The following PTPN5 variants were observed in gnomAD, a reference collection of about 807,000 sequenced individuals.
PTPN5 encodes protein tyrosine phosphatase non-receptor type 5, also known as tyrosine-protein phosphatase non-receptor type 5.
PTPN5 carries 29 observed loss-of-function variants against 73.9 expected under a neutral mutation model. The observed-to-expected ratio is 0.39, with a 90% CI of 0.29 to 0.54. PTPN5 has a LOEUF of 0.54. PTPN5 is among the 20% of genes least tolerant of loss of function. PTPN5 has a pLI of 0.65. For synonymous variants in PTPN5, 267 were observed against 304.7 expected, an observed-to-expected ratio of 0.88 and a Z score of 1.29; for missense variants, 652 against 751.4, an observed-to-expected ratio of 0.87 and a Z score of 1.55.
intron 1 of PTPN5, among the ~76,000 whole-genome samples, chr11:18,777,398 T>C (rs892987464): frequency 6.6e-6 from 1 of 152,182 alleles, no homozygotes; most frequent in African/African-American, 2.4e-5. Context: ...TTACATGAGA[T>C]GCATGGAAAA....
chr11:18,776,219 G>C (rs1315955448), intron 1 of PTPN5, among the ~76,000 whole-genome samples: 3 of 152,120 alleles, frequency 2.0e-5, no homozygotes, highest in Non-Finnish European at 4.4e-5. Flanking sequence ...GCGTCTTCTG[G>C]TATTTCCGTT....
At chr11:18,786,481 C>T (rs1041613061) in intron 1 of PTPN5, among the ~76,000 whole-genome samples, 5 of 152,208 alleles carry the variant, frequency 3.3e-5, no homozygotes, top group Admixed American at 2.6e-4. Context: ...GGATTACAGG[C>T]GTGAGCCACC....
At chr11:18,790,585 A>C (rs1203035595) in intron 1 of PTPN5, among the ~76,000 whole-genome samples, 2 of 152,066 alleles carry the variant, frequency 1.3e-5, no homozygotes, top group African/African-American at 4.8e-5. Context: ...AGCAAATTAA[A>C]GCCCCCTCTC....
Position 18,729,616 on chromosome 11 carries a change from T to TG in PTPN5, c.1490+41dup. ...GTGAGGGGCAGGGCAGCCCAGCGGG[T>TG]GGGGGGCTGCCCCGCTCCAGTGGCT... On this transcript the variant is annotated intron_variant, in intron 13 of 14. Coordinates refer to ENST00000358540, the MANE Select transcript of PTPN5 (RefSeq NM_006906.2). The surrounding 1 kb of genome is among the most constrained non-coding windows in gnomAD (Gnocchi z 5.2). 6.4e-7 allele frequency: 1 copy of TG among 1,556,696 alleles called. No individual in the cohort carries two copies. Among genetic ancestry groups the TG allele is most frequent in the Non-Finnish European group, 8.7e-7 (1 of 1,149,438 alleles).
intron 5 of PTPN5, 108 bp from the exon 6 acceptor site, chr11:18,743,183 T>A: frequency 8.2e-7 from 1 of 1,214,714 alleles, no homozygotes; most frequent in Non-Finnish European, 1.2e-6. Context: ...AGGTCTGGGA[T>A]GGGGAGCAGG....
Position 18,742,306 on chromosome 11 carries a change from A to G in PTPN5, c.681T>C (p.Ala227=). ...ACTTGACGGTGAGTGAGGTGGGGTC[A>G]GCCTCAGGCTTGATGTCCATCACAC... ...FDCVMDIKPE[A]DPTSLTVKSM... The change falls in exon 7 of 15, where the codon GCT becomes GCC. Residue 227 remains alanine, a synonymous_variant. Transcript: ENST00000358540. This position sits in a 1 kb window ranked among gnomAD's most constrained non-coding sequence, Gnocchi z 4.1. 2.5e-6 allele frequency: 4 copies of G among 1,614,138 alleles called. No individual in the cohort carries two copies. Among genetic ancestry groups the G allele is most frequent in the Non-Finnish European group, 3.4e-6 (4 of 1,180,020 alleles).
At chr11:18,771,182 G>A (rs1850878828) in intron 2 of PTPN5, among the ~76,000 whole-genome samples, 1 of 152,048 alleles carries the variant, frequency 6.6e-6, no homozygotes, top group Admixed American at 6.5e-5. Context: ...TGTGCTCCTG[G>A]TACCCCGTAA....
Position 18,733,447 on chromosome 11 carries a change from T to A in PTPN5, c.1081-75A>T, listed in dbSNP as rs1367273254. Reference sequence around the variant, plus strand: ...GACCCCATCCCCACACTCAGGCTCTTCACAGGAGCTGGCAGGAGCCAGACT... The same window carrying A: ...GACCCCATCCCCACACTCAGGCTCTACACAGGAGCTGGCAGGAGCCAGACT... On this transcript the variant is annotated intron_variant, in intron 10 of 14. Transcript: ENST00000358540. The surrounding 1 kb of genome is among the most constrained non-coding windows in gnomAD (Gnocchi z 4.3). 8 of 1,610,388 alleles carry A rather than the reference T, an allele frequency of 5.0e-6. No homozygotes were observed. In the Middle Eastern group the frequency reaches 6.6e-4, roughly 133 times the overall value.
chr11:18,760,952 A>G (rs541442152), intron 3 of PTPN5, among the ~76,000 whole-genome samples: 1 of 152,364 alleles, frequency 6.6e-6, no homozygotes, highest in East Asian at 1.9e-4. Context: ...GCTCAGGTAC[A>G]TCCCTGTGAG....
intron 3 of PTPN5, among the ~76,000 whole-genome samples, chr11:18,764,111 C>T (rs551914343): frequency 6.6e-6 from 1 of 152,320 alleles, no homozygotes; most frequent in South Asian, 2.1e-4. Context: ...CTGGACCTCC[C>T]ATCCATTGTG....
chr11:18,789,025 T>G (rs1054971964), intron 1 of PTPN5, among the ~76,000 whole-genome samples: 1 of 152,136 alleles, frequency 6.6e-6, no homozygotes, highest in African/African-American at 2.4e-5. Flanking sequence ...CACAGATGTT[T>G]TATGCTGGCT....
intron 9 of PTPN5, among the ~76,000 whole-genome samples, chr11:18,737,566 GAA>G (rs1433469166): frequency 7.9e-5 from 12 of 152,198 alleles, no homozygotes; most frequent in Admixed American, 1.3e-4. Flanking sequence ...TGCCCACTCT[GAA>G]AAGAGTTTCG....
intron 1 of PTPN5, among the ~76,000 whole-genome samples, chr11:18,780,235 G>A (rs762399052): frequency 2.0e-5 from 3 of 152,170 alleles, no homozygotes; most frequent in Non-Finnish European, 4.4e-5. Flanking sequence ...TCTGCCCTCT[G>A]GAGAGCTCCA....
chr11:18,732,763 T>C, intron 11 of PTPN5, 61 bp from the exon 12 acceptor site: 1 of 1,390,752 alleles, frequency 7.2e-7, no homozygotes, highest in Non-Finnish European at 1.0e-6. Flanking sequence ...CTCTCTACAC[T>C]CTCTTCAGGG....
At chr11:18,740,993 C>A (rs1564894672) in intron 7 of PTPN5, among the ~76,000 whole-genome samples, 1 of 152,156 alleles carries the variant, frequency 6.6e-6, no homozygotes, top group African/African-American at 2.4e-5. Context: ...GACTCCCTAT[C>A]TCCTGCCTCC....
At chr11:18,761,742 G>A (rs1048047042) in intron 3 of PTPN5, among the ~76,000 whole-genome samples, 4 of 152,146 alleles carry the variant, frequency 2.6e-5, no homozygotes, top group African/African-American at 9.7e-5. Context: ...GGGTACAGTA[G>A]TGGGAGAAAG....
chr11:18,782,250 T>C (rs56245438), intron 1 of PTPN5, among the ~76,000 whole-genome samples: 65,297 of 151,274 alleles, frequency 0.43, 14,835 homozygotes, highest in East Asian at 0.72. Context: ...TTTTTGGAGA[T>C]GGAGTCTCGT....
At chr11:18,740,463 A>G (rs1426666058) in intron 8 of PTPN5, 140 bp downstream of exon 8, 24 of 707,734 alleles carry the variant, frequency 3.4e-5, no homozygotes, top group Non-Finnish European at 5.1e-5. Flanking sequence ...AGCTTGCCCA[A>G]GATGGTGGGA....
chr11:18,756,930 A>AC (rs1564910567), intron 3 of PTPN5, among the ~76,000 whole-genome samples: 4 of 148,916 alleles, frequency 2.7e-5, no homozygotes, highest in Non-Finnish European at 4.5e-5. Context: ...TCAAAAAAAA[A>AC]AAAAAACCAA....
Sources: gnomAD v4.1 joint callset for allele counts (sites outside exome capture counted in the v4.1 genomes callset) on GRCh38, gnomAD v4.1.1 for gene constraint, Gnocchi (gnomAD v3.1) non-coding constraint, MANE v1.5 for transcripts, NCBI Gene and HGNC (gene_info 2026-07-23, HGNC 2026-07-21) for gene names.